PDGFC: variants seen among roughly 807,000 people sequenced by gnomAD.
The protein encoded by PDGFC is platelet derived growth factor C.
In PDGFC, 12 loss-of-function variants were observed where a neutral mutation model predicts 35.5. The observed-to-expected ratio is 0.34, with a 90% CI of 0.22 to 0.55. PDGFC has a LOEUF of 0.55. Among genes scored for constraint, PDGFC ranks in the 20% least tolerant of loss-of-function variants. PDGFC has a pLI of 0.91. For synonymous variants in PDGFC, 159 were observed against 148.8 expected (o/e 1.07, Z -0.50); for missense variants, 322 against 412.4 (o/e 0.78, Z 1.90).
intron 1 of PDGFC, among the ~76,000 whole-genome samples, chr4:156,866,426 T>A (rs997188485): frequency 6.6e-6 from 1 of 152,118 alleles, no homozygotes; most frequent in African/African-American, 2.4e-5. Context: ...ATTTTTTAGT[T>A]CCTAAGGAAC....
At chr4:156,845,387 T>A (rs1239628832) in intron 2 of PDGFC, among the ~76,000 whole-genome samples, 4 of 151,588 alleles carry the variant, frequency 2.6e-5, no homozygotes, top group Admixed American at 2.6e-4. Context: ...ATTAAAAATA[T>A]ATATATATAC....
At chr4:156,892,436 C>T (rs768420471) in intron 1 of PDGFC, among the ~76,000 whole-genome samples, 2 of 152,050 alleles carry the variant, frequency 1.3e-5, no homozygotes, top group East Asian at 1.9e-4. Flanking sequence ...TTTGTTGTTG[C>T]CACTTTTAAT....
chr4:156,815,323 TACACACACACACACACACACAC>T (rs3042796), intron 2 of PDGFC, among the ~76,000 whole-genome samples: 2 of 144,996 alleles, frequency 1.4e-5, no homozygotes, highest in African/African-American at 5.1e-5. Flanking sequence ...AATAATTTTT[TACACACACACACACACACACAC>T]ACACACACAC....
At chr4:156,822,275 C>T (rs6847941) in intron 2 of PDGFC, among the ~76,000 whole-genome samples, 18,223 of 145,686 alleles carry the variant, frequency 0.13, 1,381 homozygotes, top group African/African-American at 0.23. Flanking sequence ...AGGAGAATGG[C>T]GTGAACCCGG....
intron 2 of PDGFC, among the ~76,000 whole-genome samples, chr4:156,844,277 T>C (rs1183490505): frequency 6.6e-6 from 1 of 152,196 alleles, no homozygotes; most frequent in African/African-American, 2.4e-5. Context: ...GCTTTAGATA[T>C]TTTTAAGTTC....
chr4:156,765,149 A>T (rs1730486966), intron 5 of PDGFC, among the ~76,000 whole-genome samples: 1 of 152,198 alleles, frequency 6.6e-6, no homozygotes, highest in South Asian at 2.1e-4. Flanking sequence ...AGTCCTGGAT[A>T]AGAAATTCTA....
At chr4:156,961,748 A>C (rs938061731) in intron 1 of PDGFC, among the ~76,000 whole-genome samples, 2 of 152,116 alleles carry the variant, frequency 1.3e-5, no homozygotes, top group African/African-American at 4.8e-5. Flanking sequence ...TCATTACTTT[A>C]ATTCAGTGTC....
At chr4:156,790,194 TTG>T (rs1731256399) in intron 3 of PDGFC, among the ~76,000 whole-genome samples, 1 of 152,136 alleles carries the variant, frequency 6.6e-6, no homozygotes, top group Admixed American at 6.5e-5. Context: ...ATTTAATGGG[TTG>T]TTTTGCAGCT....
intron 3 of PDGFC, among the ~76,000 whole-genome samples, chr4:156,798,756 T>G (rs573427794): frequency 3.9e-5 from 6 of 152,318 alleles, no homozygotes; most frequent in African/African-American, 1.4e-4. Flanking sequence ...CTCTAACAAT[T>G]CAGTGCTTGC....
At chr4:156,900,437 C>G (rs946590159) in intron 1 of PDGFC, among the ~76,000 whole-genome samples, 2 of 152,130 alleles carry the variant, frequency 1.3e-5, no homozygotes, top group Non-Finnish European at 1.5e-5. Flanking sequence ...AACTAGGACA[C>G]GTAGAGTAAC....
intron 1 of PDGFC, among the ~76,000 whole-genome samples, chr4:156,871,565 T>C (rs546911533): frequency 1.3e-5 from 2 of 152,246 alleles, no homozygotes; most frequent in Admixed American, 1.3e-4. Flanking sequence ...TTTTGCTCAA[T>C]ATGTACATAT....
intron 2 of PDGFC, among the ~76,000 whole-genome samples, chr4:156,813,923 C>A (rs1029534479): frequency 6.6e-6 from 1 of 152,050 alleles, no homozygotes; most frequent in Admixed American, 6.6e-5. Flanking sequence ...TCAGCTCCAG[C>A]AAAGGAGATA....
At chr4:156,854,911 C>T (rs2111095789) in intron 1 of PDGFC, among the ~76,000 whole-genome samples, 1 of 151,992 alleles carries the variant, frequency 6.6e-6, no homozygotes, top group African/African-American at 2.4e-5. Flanking sequence ...AGATAACGAG[C>T]TTGACATGAA....
At chr4:156,894,810 T>A (rs966276412) in intron 1 of PDGFC, among the ~76,000 whole-genome samples, 2 of 152,180 alleles carry the variant, frequency 1.3e-5, no homozygotes, top group Non-Finnish European at 2.9e-5. Context: ...TCAGCACTCA[T>A]TTTAGTCCAT....
chr4:156,863,650 A>G (rs1171485885), intron 1 of PDGFC, among the ~76,000 whole-genome samples: 1 of 152,128 alleles, frequency 6.6e-6, no homozygotes, highest in Non-Finnish European at 1.5e-5. Context: ...CCAATTATTA[A>G]TGATTTGCTG....
rs755681238 is a variant in PDGFC at position 156,970,786 on chromosome 4, C to G, written c.118G>C (p.Gly40Arg). ...FQFSSNKEQN[G>R]VQDPQHERII... ...GGGGGAGAATGGGGGAAAGACTCACCGTTCTGTTCCTTGTTGCTGGAAAAC... is the reference window on the plus strand; with the variant it reads ...GGGGGAGAATGGGGGAAAGACTCACGGTTCTGTTCCTTGTTGCTGGAAAAC... Residue 40 changes from glycine (G) to arginine (R), a missense_variant and splice_region_variant, in exon 1 of 6, where the codon GGA (glycine) becomes CGA (arginine). By Grantham distance (125) the Gly-to-Arg change is moderately radical (BLOSUM62 -2). This residue lies in a region of PDGFC where 120 missense variants were observed against 116.6 expected (regional missense o/e 1.03). Coordinates refer to ENST00000502773, the MANE Select transcript of PDGFC (RefSeq NM_016205.3). 1.9e-6 allele frequency: 3 copies of G among 1,574,640 alleles called. No homozygotes were observed. The highest frequency in any genetic ancestry group is 2.2e-5 in the South Asian group (2 of 90,250).
chr4:156,946,574 T>A (rs1181785322), intron 1 of PDGFC, among the ~76,000 whole-genome samples: 1 of 152,066 alleles, frequency 6.6e-6, no homozygotes, highest in African/African-American at 2.4e-5. Context: ...CAAATTTGCC[T>A]AGGTCCCCGA....
chr4:156,851,930 C>CAAAAAAAA lies in PDGFC; in HGVS notation c.119-1522_119-1515dup, dbSNP rs61505882. On this transcript the variant is annotated intron_variant, in intron 1 of 5. Coordinates refer to ENST00000502773, the MANE Select transcript of PDGFC (RefSeq NM_016205.3). ...TGGGCGACAGAATGAGACTCCATCT[C>CAAAAAAAA]AAAAAAAAAAAAAAAAAAAAAAAAA... 5.9e-4 allele frequency among the ~76,000 whole-genome samples: 28 copies of CAAAAAAAA among 47,852 alleles called. 2 individuals are homozygous for CAAAAAAAA. The highest frequency in any genetic ancestry group is 1.3e-3 in the African/African-American group (20 of 15,068). The allele number at this position is 47,852 out of a possible 152,430, so 31.4% of individuals were successfully genotyped here.
chr4:156,823,357 G>A (rs1033030532), intron 2 of PDGFC, among the ~76,000 whole-genome samples: 31 of 152,330 alleles, frequency 2.0e-4, no homozygotes, highest in African/African-American at 7.5e-4. Context: ...TAACTCACAA[G>A]ACTGTTGTGA....
Sources: allele counts gnomAD v4.1 joint callset (sites outside exome capture counted in the v4.1 genomes callset), GRCh38; gene constraint gnomAD v4.1.1; regional missense constraint gnomAD v4.1.1; transcripts MANE v1.5; gene names NCBI Gene and HGNC (gene_info 2026-07-23, HGNC 2026-07-21).